NUP210L: variants seen among roughly 807,000 people sequenced by gnomAD.
NUP210L encodes nuclear pore membrane glycoprotein 210-like.
In NUP210L, 74 loss-of-function variants were observed where a neutral mutation model predicts 208.5. The ratio of observed to expected loss-of-function variants is 0.35; its 90% CI spans 0.29 to 0.43. NUP210L has a LOEUF of 0.43. Among genes scored for constraint, NUP210L ranks in the 20% least tolerant of loss-of-function variants. The probability of loss-of-function intolerance (pLI) is 1.00; values close to 1 mark genes in which losing one functional copy is unlikely to be tolerated. For missense variants in NUP210L, 1,843 were observed against 2,289.4 expected (o/e 0.81, Z 3.98); for synonymous variants, 780 against 816.9 (o/e 0.95, Z 0.77).
intron 12 of NUP210L, among the ~76,000 whole-genome samples, chr1:154,113,153 C>G (rs953414824): frequency 2.2e-4 from 21 of 97,030 alleles, no homozygotes; most frequent in African/African-American, 9.4e-4. Context: ...GAGAAACCCT[C>G]TCTTAAAAAA....
chr1:154,001,661 C>G (rs557079495), intron 36 of NUP210L, 74 bp downstream of exon 36: 2 of 1,503,980 alleles, frequency 1.3e-6, no homozygotes, highest in Non-Finnish European at 9.1e-7. Flanking sequence ...TTCTTTTGCC[C>G]TTGAAGTGAG....
Position 154,005,310 on chromosome 1 carries a change from G to A in NUP210L, c.4931-3325C>T, listed in dbSNP as rs547429649. On this transcript the variant is annotated intron_variant, in intron 35 of 39. Coordinates refer to ENST00000368559, the Ensembl canonical transcript of NUP210L. ...GTGATCTCAGCTCACTGCAACCTCC[G>A]TCTCCTGGGTTCAAGCAATTCTCCT... 8.6e-5 allele frequency among the ~76,000 whole-genome samples: 13 copies of A among 151,458 alleles called. No individual in the cohort carries two copies. The East Asian group carries it at 1.4e-3, about 16-fold the overall frequency.
At chr1:154,085,366 T>G (rs570929624) in intron 16 of NUP210L, among the ~76,000 whole-genome samples, 11 of 149,666 alleles carry the variant, frequency 7.3e-5, no homozygotes, top group African/African-American at 2.2e-4. Flanking sequence ...AATAAATAAA[T>G]AAAATAAAAT....
At position 154,018,433 on chromosome 1, in the gene NUP210L, A is replaced by G. The variant is rs540443717; in HGVS notation, c.4653+500T>C. On this transcript the variant is annotated intron_variant, in intron 33 of 39. Coordinates refer to ENST00000368559, the Ensembl canonical transcript of NUP210L. ...CCAAAGATGACTGCTTTTCCCTCCAAGACTGTTCCACCTACAGTCTTCCCC... is the reference window on the plus strand; with the variant it reads ...CCAAAGATGACTGCTTTTCCCTCCAGGACTGTTCCACCTACAGTCTTCCCC... Among the ~76,000 whole-genome samples, 10 of 152,244 alleles carry G rather than the reference A, an allele frequency of 6.6e-5. No homozygotes were observed. The South Asian group carries it at 2.1e-3, about 32-fold the overall frequency.
At position 154,108,147 on chromosome 1, in the gene NUP210L, G is replaced by A. The variant is rs185684846; in HGVS notation, c.1621-3937C>T. On this transcript the variant is annotated intron_variant, in intron 12 of 39. Coordinates refer to ENST00000368559, the Ensembl canonical transcript of NUP210L. ...AAAAGCAGGGGAATGAAATTAAAGT[G>A]TAGAAGTTTTTGTTTTTGTTTTTGT... 1.4e-3 allele frequency among the ~76,000 whole-genome samples: 206 copies of A among 152,004 alleles called. 2 individuals carry two copies. The highest frequency in any genetic ancestry group is 4.8e-3 in the African/African-American group (199 of 41,498).
At chr1:154,029,812 A>C in intron 28 of NUP210L, 84 bp downstream of exon 28, 1 of 1,077,330 alleles carries the variant, frequency 9.3e-7, no homozygotes, top group Non-Finnish European at 1.4e-6. Flanking sequence ...GTCTCTATCC[A>C]GACTAAGCTC....
intron 25 of NUP210L, among the ~76,000 whole-genome samples, chr1:154,053,758 A>C (rs1653657253): frequency 6.6e-6 from 1 of 152,168 alleles, no homozygotes; most frequent in Non-Finnish European, 1.5e-5. Flanking sequence ...CTTGCTGTCT[A>C]TAAATATGTG....
chr1:154,089,301 A>G, intron 16 of NUP210L, 120 bp downstream of exon 16: 1 of 808,222 alleles, frequency 1.2e-6, no homozygotes, highest in Non-Finnish European at 2.0e-6. Flanking sequence ...TTAAAAATAG[A>G]ATTACCATAT....
At chr1:154,139,896 T>C in exon 5 of NUP210L, 2 of 1,612,006 alleles carry the variant, frequency 1.2e-6, no homozygotes, top group Non-Finnish European at 1.7e-6. Context: ...CTCCTCTTTT[T>C]CCATCTCAGC....
chr1:154,063,237 C>T (rs977968183), intron 17 of NUP210L, among the ~76,000 whole-genome samples: 6 of 151,920 alleles, frequency 3.9e-5, no homozygotes, highest in South Asian at 2.1e-4. Context: ...TATTTTAGAC[C>T]GGGAATATAG....
At chr1:154,140,375 A>T (rs1489964707) in intron 4 of NUP210L, among the ~76,000 whole-genome samples, 24 of 149,496 alleles carry the variant, frequency 1.6e-4, no homozygotes, top group African/African-American at 5.4e-4. Flanking sequence ...AAGAAAAAGA[A>T]AAAGATAAAG....
chr1:154,128,467 C>A (rs557107390), intron 8 of NUP210L, among the ~76,000 whole-genome samples: 45 of 152,096 alleles, frequency 3.0e-4, no homozygotes, highest in Non-Finnish European at 5.6e-4. Context: ...GGCAACAGAG[C>A]CAGACACTGA....
chr1:153,997,846 C>A (rs1649986430), intron 37 of NUP210L, among the ~76,000 whole-genome samples: 1 of 151,630 alleles, frequency 6.6e-6, no homozygotes, highest in South Asian at 2.1e-4. Flanking sequence ...CATGACACTA[C>A]ACCTGGCTAT....
intron 2 of NUP210L, among the ~76,000 whole-genome samples, chr1:154,152,475 T>A (rs1659447934): frequency 7.9e-6 from 1 of 126,238 alleles, no homozygotes; most frequent in Non-Finnish European, 1.6e-5. Flanking sequence ...CCCCCAGCCA[T>A]AATTTTTTTT....
At chr1:154,069,015 C>T (rs1226389575) in intron 17 of NUP210L, among the ~76,000 whole-genome samples, 1 of 152,084 alleles carries the variant, frequency 6.6e-6, no homozygotes, top group Non-Finnish European at 1.5e-5. Context: ...GAAACTGAAT[C>T]CCTTCCTTAC....
At chr1:154,056,994 T>C in intron 22 of NUP210L, 47 bp from the exon 23 acceptor site, 1 of 1,592,134 alleles carries the variant, frequency 6.3e-7, no homozygotes, top group Non-Finnish European at 8.6e-7. Flanking sequence ...TTTGTTTTGT[T>C]TCAAGACAGG....
At chr1:154,009,505 G>T (rs1480560324) in intron 35 of NUP210L, among the ~76,000 whole-genome samples, 1 of 151,762 alleles carries the variant, frequency 6.6e-6, no homozygotes, top group Admixed American at 6.6e-5. Flanking sequence ...TTTGAATAGG[G>T]CTGGGGGCAG....
chr1:154,082,113 ACT>A (rs1655368316), intron 16 of NUP210L, among the ~76,000 whole-genome samples: 1 of 151,820 alleles, frequency 6.6e-6, no homozygotes, highest in South Asian at 2.1e-4. Flanking sequence ...CGTGTCTGGG[ACT>A]CTCTGAAGAT....
At chr1:154,091,071 G>A (rs866485448) in intron 15 of NUP210L, among the ~76,000 whole-genome samples, 7 of 140,820 alleles carry the variant, frequency 5.0e-5, no homozygotes, top group South Asian at 4.6e-4. Flanking sequence ...TATTATTGCT[G>A]TTATTATTAT....
Sources: gnomAD v4.1 joint callset for allele counts (sites outside exome capture counted in the v4.1 genomes callset) on GRCh38, gnomAD v4.1.1 for gene constraint, MANE v1.5 for transcripts, NCBI Gene and HGNC (gene_info 2026-07-23, HGNC 2026-07-21) for gene names.